Variants in KIF1C observed in about 807,000 individuals in gnomAD.
The protein encoded by KIF1C is kinesin-like protein KIF1C.
KIF1C carries 61 observed loss-of-function variants against 126.5 expected under a neutral mutation model. That is an observed-to-expected ratio of 0.48 (90% confidence interval 0.39 to 0.60). The LOEUF (loss-of-function observed/expected upper bound fraction) is 0.60, where lower values mean the gene tolerates loss of function less well. KIF1C is among the 20% of genes least tolerant of loss of function. KIF1C has a pLI of 0.00. For synonymous variants in KIF1C, 640 were observed against 580.6 expected, an observed-to-expected ratio of 1.10 and a Z score of -1.47; for missense variants, 1,315 against 1,489.2, an observed-to-expected ratio of 0.88 and a Z score of 1.93.
intron 18 of KIF1C, among the ~76,000 whole-genome samples, chr17:5,015,171 A>C (rs985432874): frequency 1.3e-5 from 2 of 151,990 alleles, no homozygotes; most frequent in African/African-American, 4.8e-5. Context: ...CACAACTAGC[A>C]CTCTGATCCT....
chr17:5,000,250 G>C lies in KIF1C; in HGVS notation c.4G>C (p.Ala2Pro). Residue 2 changes from alanine (A) to proline (P), a missense_variant, in exon 3 of 23, where the codon GCT (alanine) becomes CCT (proline). Ala to Pro is a conservative substitution (Grantham distance 27, BLOSUM62 -1). Coordinates refer to ENST00000320785, the MANE Select transcript of KIF1C (RefSeq NM_006612.6). ...GAGGGCAGGAGTGTCTGGAGCTATG[G>C]CTGGTGCCTCGGTGAAAGTGGCAGT... M[A>P]GASVKVAVRV... is the part of the protein sequence containing the mutation. The C allele has an allele frequency of 1.9e-6, 3 of 1,567,756 alleles. No homozygotes were observed. Among genetic ancestry groups the C allele is most frequent in the African/African-American group, 1.4e-5 (1 of 73,662 alleles).
At chr17:5,005,552 G>T (rs1296036200) in intron 13 of KIF1C, among the ~76,000 whole-genome samples, 3 of 152,176 alleles carry the variant, frequency 2.0e-5, no homozygotes, top group African/African-American at 7.2e-5. Flanking sequence ...ACAGTGTGGG[G>T]AGTATGAGTG....
chr17:5,000,296 C>A lies in KIF1C; in HGVS notation c.50C>A (p.Ala17Asp). The change falls in exon 3 of 23, where the codon GCC (alanine) becomes GAC (aspartate). Residue 17 changes from alanine (A) to aspartate (D), a missense_variant. Transcript: ENST00000320785. ...GCAGTGAGGGTTCGGCCCTTTAACG[C>A]CCGTGAGACCAGCCAGGATGCCAAG... ...KVAVRVRPFN[A>D]RETSQDAKCV... 6.3e-7 allele frequency: 1 copy of A among 1,592,246 alleles called. No homozygotes were observed.
At chr17:5,012,703 C>T (rs992531021) in intron 16 of KIF1C, among the ~76,000 whole-genome samples, 16 of 151,916 alleles carry the variant, frequency 1.1e-4, no homozygotes, top group African/African-American at 2.4e-4. Flanking sequence ...AGGGTGGTGC[C>T]GAGGGATGGA....
rs1975064169 is a variant in KIF1C at position 5,020,455 on chromosome 17, G to A, written c.1751-37G>A. 6.4e-7 allele frequency: 1 copy of A among 1,571,910 alleles called. No homozygotes were observed. Among genetic ancestry groups the A allele is most frequent in the Non-Finnish European group, 8.7e-7 (1 of 1,154,294 alleles). On this transcript the variant is annotated intron_variant, in intron 19 of 22. Coordinates refer to ENST00000320785, the MANE Select transcript of KIF1C (RefSeq NM_006612.6). The surrounding 1 kb of genome is among the most constrained non-coding windows in gnomAD (Gnocchi z 5.8). ...GTGTAGGGATGGATTTGGTGCTGAT[G>A]GGAAGCGAGTTTACTTTTCCCTCCT...
chr17:5,001,345 A>C lies in KIF1C; in HGVS notation c.307A>C (p.Lys103Gln). Reference sequence around the variant, plus strand: ...TGCCTATGGGCAGACCGGGGCTGGGAAATCCTATACCATGATGGGGCGACA... The same window carrying C: ...TGCCTATGGGCAGACCGGGGCTGGGCAATCCTATACCATGATGGGGCGACA... ...IFAYGQTGAG[K>Q]SYTMMGRQEP... The change falls in exon 5 of 23, where the codon AAA becomes CAA. Residue 103 changes from lysine to glutamine, a missense_variant. Physicochemically the swap from Lys to Gln is moderately conservative, Grantham distance 53. Around this residue, in one of 2 missense-constraint regions of KIF1C, gnomAD observed 874 missense variants for 1,053.2 expected, o/e 0.83. Transcript: ENST00000320785. The C allele has an allele frequency of 6.2e-7, 1 of 1,614,094 alleles. No individual in the cohort carries two copies. Among genetic ancestry groups the C allele is most frequent in the Non-Finnish European group, 8.5e-7 (1 of 1,179,976 alleles).
rs1293728035 is a variant in KIF1C at position 5,002,815 on chromosome 17, C to G, written c.693C>G (p.Asp231Glu). 6.2e-7 allele frequency: 1 copy of G among 1,613,640 alleles called. No individual in the cohort carries two copies. Among genetic ancestry groups the G allele is most frequent in the Admixed American group, 1.7e-5 (1 of 59,976 alleles). ...TCGTCTTCACACAGCGCTGCCATGA[C>G]CAGCTCACGGGGCTGGACTCGGAGA... The part of the protein sequence containing the change: ...FTIVFTQRCH[D>E]QLTGLDSEKV... Residue 231 changes from aspartate (D) to glutamate (E), a missense_variant, in exon 8 of 23, where the codon GAC (aspartate) becomes GAG (glutamate). By Grantham distance (45) the Asp-to-Glu change is conservative (BLOSUM62 2). Transcript: ENST00000320785.
In KIF1C at chr17:5,028,005, G is replaced by C. The variant is rs561813954; in HGVS notation, c.*3854G>C. 1 of 152,196 alleles carries C rather than the reference G, an allele frequency of 6.6e-6. No homozygotes were observed. The highest frequency in any genetic ancestry group is 2.4e-5 in the African/African-American group (1 of 41,532). The allele number at this position is 152,196 out of a possible 1,614,324, so 9.4% of individuals were successfully genotyped here. On this transcript the variant is annotated 3_prime_UTR_variant, in exon 23 of 23. Transcript: ENST00000320785. Reference sequence around the variant, plus strand: ...TCAGACATCACCATCACCTCGCTTAGAATCCATGGGGCCTTCTCCTCAAAT... The same window carrying C: ...TCAGACATCACCATCACCTCGCTTACAATCCATGGGGCCTTCTCCTCAAAT...
chr17:5,024,360 A>C lies in KIF1C; in HGVS notation c.*209A>C, dbSNP rs1352322139. 6.5e-6 allele frequency: 3 copies of C among 459,118 alleles called. No homozygotes were observed. Among genetic ancestry groups the C allele is most frequent in the African/African-American group, 2.0e-5 (1 of 49,092 alleles). 28.4% of individuals were successfully genotyped at this position (459,118 alleles called of 1,614,324 possible). ...GAGTTGCCAGGAGCAAACCAAAGTG[A>C]AGAGAGAGATAGGAAGCTGCCTCGG... On this transcript the variant is annotated 3_prime_UTR_variant, in exon 23 of 23. Transcript: ENST00000320785.
intron 14 of KIF1C, 66 bp downstream of exon 14, chr17:5,007,150 C>T: frequency 1.3e-6 from 2 of 1,574,708 alleles, no homozygotes; most frequent in South Asian, 2.3e-5. Context: ...TCTCCAAAGT[C>T]AAGCTTGAGA....
At chr17:5,018,915 T>C (rs1235585021) in intron 18 of KIF1C, among the ~76,000 whole-genome samples, 2 of 152,156 alleles carry the variant, frequency 1.3e-5, no homozygotes, top group South Asian at 2.1e-4. Context: ...TAAATGAATT[T>C]TGTGGCATGA....
chr17:5,021,357 G>A (rs748224899), intron 21 of KIF1C, among the ~76,000 whole-genome samples: 23 of 151,982 alleles, frequency 1.5e-4, no homozygotes, highest in Non-Finnish European at 2.6e-4. Context: ...TGTATTTTTA[G>A]TAGAGACAGG....
rs143283587 is a variant in KIF1C at position 5,004,622 on chromosome 17, C to T, written c.996C>T (p.Tyr332=). Residue 332 remains tyrosine, a synonymous_variant, in exon 12 of 23, where the codon TAC becomes TAT. Coordinates refer to ENST00000320785, the MANE Select transcript of KIF1C (RefSeq NM_006612.6). ...IAALSPADIN[Y]EETLSTLRYA... is the part of the protein sequence containing the mutation. Reference sequence around the variant, plus strand: ...CCCTGAGCCCTGCTGACATCAATTACGAGGAGACTCTCAGCACCCTCAGGT... The same window carrying T: ...CCCTGAGCCCTGCTGACATCAATTATGAGGAGACTCTCAGCACCCTCAGGT... 44 of 1,614,030 alleles carry T rather than the reference C, an allele frequency of 2.7e-5. No individual in the cohort carries two copies. The highest frequency in any genetic ancestry group is 2.0e-4 in the East Asian group (9 of 44,904).
At chr17:5,005,465 C>T (rs540604724) in intron 13 of KIF1C, among the ~76,000 whole-genome samples, 2 of 152,250 alleles carry the variant, frequency 1.3e-5, no homozygotes, top group African/African-American at 4.8e-5. Flanking sequence ...ATGTGTAATC[C>T]ATGTTGACGG....
chr17:5,019,048 C>T (rs1285282043), intron 18 of KIF1C, among the ~76,000 whole-genome samples: 1 of 152,134 alleles, frequency 6.6e-6, no homozygotes, highest in Non-Finnish European at 1.5e-5. Context: ...CTGCCCCTCT[C>T]CCCATCGGCT....
Position 4,998,100 on chromosome 17 carries a change from T to G in KIF1C, c.-205T>G, listed in dbSNP as rs958991025. 8.6e-5 allele frequency: 13 copies of G among 151,836 alleles called. No individual in the cohort carries two copies. The highest frequency in any genetic ancestry group is 1.3e-4 in the Non-Finnish European group (9 of 67,908). The allele number at this position is 151,836 out of a possible 1,614,324, so 9.4% of individuals were successfully genotyped here. A position where few individuals can be genotyped will look rare whatever the true frequency, so the allele number is the denominator to read the frequency against. ...GATCCTTCCCGCTTCCGCCTCACGC[T>G]TCCCGGAAAGCTTGTCCCTCTCCGC... On this transcript the variant is annotated 5_prime_UTR_variant, in exon 1 of 23. Transcript: ENST00000320785.
Position 5,020,413 on chromosome 17 carries a change from G to C in KIF1C, c.1751-79G>C. On this transcript the variant is annotated intron_variant, in intron 19 of 22. Coordinates refer to ENST00000320785, the MANE Select transcript of KIF1C (RefSeq NM_006612.6). This position sits in a 1 kb window ranked among gnomAD's most constrained non-coding sequence, Gnocchi z 5.8. ...GGAGGGTGTCACAGCCCCTGTGCCA[G>C]ATTCTCTATGCCTTGGGTGTAGGGA... The C allele has an allele frequency of 2.8e-6, 4 of 1,409,610 alleles. No homozygotes were observed. Among genetic ancestry groups the C allele is most frequent in the East Asian group, 2.3e-5 (1 of 42,756 alleles). The allele number at this position is 1,409,610 out of a possible 1,614,324, so 87.3% of individuals were successfully genotyped here. A position where few individuals can be genotyped will look rare whatever the true frequency, so the allele number is the denominator to read the frequency against.
At chr17:5,008,100 A>G (rs1034447154) in intron 16 of KIF1C, among the ~76,000 whole-genome samples, 4 of 152,174 alleles carry the variant, frequency 2.6e-5, no homozygotes, top group African/African-American at 9.7e-5. Context: ...ATGAGGTTGA[A>G]GAGCCTGGGG....
intron 5 of KIF1C, 31 bp from the exon 6 acceptor site, chr17:5,002,028 C>T (rs1033964362): frequency 1.9e-6 from 3 of 1,603,204 alleles, no homozygotes; most frequent in African/African-American, 2.7e-5. Context: ...TGAACAGGAG[C>T]TTCTCTGTAT....
Sources: allele counts gnomAD v4.1 joint callset (sites outside exome capture counted in the v4.1 genomes callset), GRCh38; gene constraint gnomAD v4.1.1; regional missense constraint gnomAD v4.1.1; non-coding constraint Gnocchi (gnomAD v3.1); transcripts MANE v1.5; gene names NCBI Gene and HGNC (gene_info 2026-07-23, HGNC 2026-07-21).